The following METTL6 variants were observed in gnomAD, a reference collection of about 807,000 sequenced individuals.
METTL6 encodes the protein tRNA N(3)-cytidine methyltransferase METTL6.
Under a neutral mutation model 26.4 loss-of-function variants are expected in METTL6, and 22 were observed. The ratio of observed to expected loss-of-function variants is 0.83; its 90% CI spans 0.59 to 1.19. METTL6 has a LOEUF of 1.19. Among genes scored for constraint, METTL6 ranks in the 50% most tolerant of loss-of-function variants. METTL6 has a pLI of 0.00. For missense variants in METTL6, 304 were observed against 324.8 expected (o/e 0.94, Z 0.49); for synonymous variants, 109 against 116.2 (o/e 0.94, Z 0.40).
intron 6 of METTL6, among the ~76,000 whole-genome samples, chr3:15,397,487 C>G (rs999458817): frequency 6.6e-6 from 1 of 152,184 alleles, no homozygotes; most frequent in African/African-American, 2.4e-5. Flanking sequence ...ACGGCACACA[C>G]TGTCCTGCAC....
At position 15,424,851 on chromosome 3, in the gene METTL6, A is replaced by G; in HGVS notation, c.360+104T>C. 17 of 1,460,908 alleles carry G rather than the reference A, an allele frequency of 1.2e-5. No homozygotes were observed. The South Asian group carries it at 1.9e-4, about 16-fold the overall frequency. The allele number at this position is 1,460,908 out of a possible 1,614,324, so 90.5% of individuals were successfully genotyped here. A position where few individuals can be genotyped will look rare whatever the true frequency, so the allele number is the denominator to read the frequency against. On this transcript the variant is annotated intron_variant, in intron 3 of 5. Coordinates refer to ENST00000383790, the MANE Select transcript of METTL6 (RefSeq NM_152396.4). ...ACATGTATGGTGACTATAGCTGGTT[A>G]GCTCCAGGGAAGACTAGAATTGGGC... is the stretch of plus-strand genomic sequence containing the variant.
At chr3:15,387,541 C>G (rs1383934987) in intron 6 of METTL6, among the ~76,000 whole-genome samples, 1 of 152,206 alleles carries the variant, frequency 6.6e-6, no homozygotes, top group Non-Finnish European at 1.5e-5. Flanking sequence ...AAAACTTCCC[C>G]TTTGTCCTCT....
chr3:15,396,523 T>C (rs369684453), intron 6 of METTL6, among the ~76,000 whole-genome samples: 1 of 152,240 alleles, frequency 6.6e-6, no homozygotes, highest in African/African-American at 2.4e-5. Flanking sequence ...CTTTGTTCCA[T>C]TGCTGGTGAG....
chr3:15,413,948 T>G, intron 5 of METTL6, 73 bp downstream of exon 5: 1 of 1,605,810 alleles, frequency 6.2e-7, no homozygotes, highest in Non-Finnish European at 8.5e-7. Context: ...CAAGCAGCCT[T>G]GCAGTGATAA....
intron 6 of METTL6, among the ~76,000 whole-genome samples, chr3:15,403,066 T>C (rs1699691403): frequency 1.3e-5 from 2 of 152,312 alleles, no homozygotes; most frequent in South Asian, 4.1e-4. Flanking sequence ...GTCAGATTTA[T>C]TTCACTGTTG....
chr3:15,395,638 C>T (rs13314178), intron 6 of METTL6, among the ~76,000 whole-genome samples: 2,496 of 151,914 alleles, frequency 0.016, 37 homozygotes, highest in African/African-American at 0.034. Flanking sequence ...TGGCTGGTAC[C>T]GGTTGTTCCT....
chr3:15,414,060 C>T lies in METTL6; in HGVS notation c.634G>A (p.Val212Ile), dbSNP rs189925632. Residue 212 changes from valine to isoleucine, a missense_variant, in exon 5 of 6, where the codon GTT (valine) becomes ATT (isoleucine). Transcript: ENST00000383790. ...TATGATCTGGTCCCATCTTGTCTAA[C>T]ATAAAAGTTTTCTCCAAGTTTGCTG... The part of the protein sequence containing the change: ...ASSKLGENFY[V>I]RQDGTRSYFF... 6.2e-7 allele frequency: 1 copy of T among 1,614,146 alleles called. No individual in the cohort carries two copies. Among genetic ancestry groups the T allele is most frequent in the East Asian group, 2.2e-5 (1 of 44,886 alleles).
At chr3:15,394,518 GTTA>G (rs1404769348) in intron 6 of METTL6, among the ~76,000 whole-genome samples, 2 of 152,032 alleles carry the variant, frequency 1.3e-5, no homozygotes, top group Non-Finnish European at 2.9e-5. Context: ...TCTGATCTTA[GTTA>G]TTTCTTGTCT....
In METTL6 at chr3:15,401,679, CA is replaced by C. The variant is rs151335464; in HGVS notation, c.*11+9565del. On this transcript the variant is annotated intron_variant, in intron 6 of 6. Coordinates refer to the METTL6 transcript ENST00000443029. ...AATAAAAGTGATCTCTGGTCATCCTCACTGCTCAAAATACACTAATTATAAT... is the reference window on the plus strand; with the variant it reads ...AATAAAAGTGATCTCTGGTCATCCTCCTGCTCAAAATACACTAATTATAAT... 3.6e-4 allele frequency among the ~76,000 whole-genome samples: 55 copies of C among 152,228 alleles called. 2 individuals carry two copies. In the East Asian group the frequency reaches 9.1e-3, roughly 25 times the overall value.
chr3:15,420,309 T>A (rs1388836797), intron 3 of METTL6, among the ~76,000 whole-genome samples: 1 of 152,228 alleles, frequency 6.6e-6, no homozygotes, highest in African/African-American at 2.4e-5. Context: ...CAACTATTTT[T>A]AAAAATCTAC....
chr3:15,415,586 G>C (rs1202530905), intron 4 of METTL6, 186 bp downstream of exon 4: 1 of 1,605,774 alleles, frequency 6.2e-7, no homozygotes, highest in Admixed American at 1.7e-5. Context: ...CCATGGCACT[G>C]CACAAATCAG....
exon 7 of METTL6, chr3:15,383,596 G>C (rs1254720202): frequency 1.3e-5 from 2 of 151,898 alleles, no homozygotes; most frequent in African/African-American, 4.8e-5. Flanking sequence ...AAGTATGTGA[G>C]GAGTGTGATA....
chr3:15,385,957 A>G (rs986752063), intron 6 of METTL6, among the ~76,000 whole-genome samples: 1 of 152,220 alleles, frequency 6.6e-6, no homozygotes, highest in Non-Finnish European at 1.5e-5. Flanking sequence ...TGCACGAGAA[A>G]AGAATTTGGG....
chr3:15,426,445 T>C lies in METTL6; in HGVS notation c.67A>G (p.Lys23Glu), dbSNP rs1283381615. The change falls in exon 2 of 6, where the codon AAA becomes GAA. Residue 23 changes from lysine to glutamate, a missense_variant. Coordinates refer to ENST00000383790, the MANE Select transcript of METTL6 (RefSeq NM_152396.4). ...TCAGACACCAAAGTTTGGTCTCTTT[T>C]CAGTTTCTCCTCTTCTTCAGAGGTG... ...ILTSEEEEKL[K>E]RDQTLVSDFK... is the part of the protein sequence containing the mutation. The C allele has an allele frequency of 1.9e-6, 3 of 1,614,130 alleles. No individual in the cohort carries two copies. The African/African-American group carries it at 4.0e-5, about 22-fold the overall frequency.
intron 6 of METTL6, among the ~76,000 whole-genome samples, chr3:15,403,368 G>A (rs113515202): frequency 4.5e-4 from 68 of 152,260 alleles, no homozygotes; most frequent in African/African-American, 1.2e-3. Context: ...CATTTTGCCA[G>A]TCCTGATATT....
intron 4 of METTL6, 157 bp from the exon 5 acceptor site, chr3:15,414,319 A>T: frequency 2.1e-6 from 3 of 1,417,690 alleles, no homozygotes; most frequent in Non-Finnish European, 2.7e-6. Flanking sequence ...TTAAAAAGAT[A>T]GTAAGACCAG....
chr3:15,388,546 G>A (rs915043923), intron 6 of METTL6, among the ~76,000 whole-genome samples: 4 of 152,154 alleles, frequency 2.6e-5, no homozygotes, highest in Non-Finnish European at 5.9e-5. Flanking sequence ...TCCTGGGTGG[G>A]AGCCACAAGA....
exon 7 of METTL6, chr3:15,382,849 G>C (rs1391173225): frequency 6.6e-6 from 1 of 152,134 alleles, no homozygotes; most frequent in African/African-American, 2.4e-5. Context: ...GAACCTGGAA[G>C]ATATTATGCT....
intron 6 of METTL6, among the ~76,000 whole-genome samples, chr3:15,387,504 A>G (rs1030575402): frequency 3.3e-5 from 5 of 152,204 alleles, no homozygotes; most frequent in Non-Finnish European, 7.3e-5. Context: ...TTTGGTTCAA[A>G]TGCCTCTGAC....
Sources: gnomAD v4.1 joint callset for allele counts (sites outside exome capture counted in the v4.1 genomes callset) on GRCh38, gnomAD v4.1.1 for gene constraint, MANE v1.5 for transcripts, NCBI Gene and HGNC (gene_info 2026-07-23, HGNC 2026-07-21) for gene names.